GALK2: variants seen among roughly 807,000 people sequenced by gnomAD.
The protein encoded by GALK2 is N-acetylgalactosamine kinase.
GALK2 carries 36 observed loss-of-function variants against 52.4 expected under a neutral mutation model. The ratio of observed to expected loss-of-function variants is 0.69; its 90% CI spans 0.53 to 0.91. The LOEUF is 0.91. GALK2 is among the 40% of genes least tolerant of loss of function. GALK2 has a pLI of 0.00. For synonymous variants in GALK2, 176 were observed against 199.1 expected (o/e 0.88, Z 0.98); for missense variants, 579 against 559.1 (o/e 1.04, Z -0.36).
At chr15:49,228,819 G>A (rs111588430) in intron 3 of GALK2, among the ~76,000 whole-genome samples, 9,926 of 145,236 alleles carry the variant, frequency 0.068, 455 homozygotes, top group East Asian at 0.19. Context: ...TCAGCCTCCC[G>A]AGTAGCTGAG....
exon 4 of GALK2, chr15:49,367,736 A>C (rs2045434656): frequency 3.4e-6 from 3 of 883,662 alleles, no homozygotes; most frequent in Non-Finnish European, 4.9e-6. Context: ...AAATTCTACA[A>C]AGCATCTTCT....
chr15:49,220,263 G>A (rs981242550), intron 3 of GALK2, among the ~76,000 whole-genome samples: 1 of 151,444 alleles, frequency 6.6e-6, no homozygotes, highest in African/African-American at 2.4e-5. Flanking sequence ...TTTATCCCCC[G>A]TTCACTGACC....
chr15:49,250,689 TCGGAAAACCCTGGAGATG>T (rs1260358261), intron 5 of GALK2, among the ~76,000 whole-genome samples: 1 of 152,162 alleles, frequency 6.6e-6, no homozygotes, highest in Non-Finnish European at 1.5e-5. Context: ...ATCATAGACA[TCGGAAAACCCTGGAGATG>T]AGGTCCAGCC....
intron 5 of GALK2, among the ~76,000 whole-genome samples, chr15:49,240,669 G>A (rs1459634738): frequency 6.6e-6 from 1 of 152,108 alleles, no homozygotes; most frequent in African/African-American, 2.4e-5. Flanking sequence ...AACATCATGT[G>A]GAAATGTCCA....
intron 3 of GALK2, among the ~76,000 whole-genome samples, chr15:49,218,272 AT>A (rs1004403845): frequency 9.3e-4 from 142 of 152,312 alleles, no homozygotes; most frequent in African/African-American, 3.3e-3. Context: ...TTGATAATAT[AT>A]CTTGTGTGCA....
intron 4 of GALK2, among the ~76,000 whole-genome samples, chr15:49,238,075 A>C (rs79407921): frequency 0.06 from 9,183 of 152,086 alleles, 558 homozygotes; most frequent in African/African-American, 0.15. Context: ...TTATTTGCAG[A>C]ATTTTGTTGT....
chr15:49,227,589 C>G (rs1358306654), intron 3 of GALK2, among the ~76,000 whole-genome samples: 2 of 151,278 alleles, frequency 1.3e-5, no homozygotes, highest in Non-Finnish European at 2.9e-5. Flanking sequence ...AATCAGTTAT[C>G]CTAGTTTGTA....
chr15:49,325,090 AT>A (rs2037240945), intron 9 of GALK2, among the ~76,000 whole-genome samples: 2 of 152,108 alleles, frequency 1.3e-5, no homozygotes, highest in South Asian at 4.1e-4. Flanking sequence ...TAAGTGCTTT[AT>A]GGTCGAATTA....
intron 8 of GALK2, among the ~76,000 whole-genome samples, chr15:49,308,238 T>G (rs1596053365): frequency 6.6e-6 from 1 of 152,310 alleles, no homozygotes; most frequent in East Asian, 1.9e-4. Flanking sequence ...CATCCATCTC[T>G]GGATTGCTCT....
At chr15:49,157,125 A>G (rs2084484826) in intron 1 of GALK2, among the ~76,000 whole-genome samples, 1 of 152,180 alleles carries the variant, frequency 6.6e-6, no homozygotes, top group South Asian at 2.1e-4. Flanking sequence ...TTAATTTGTT[A>G]TTTTAGACAC....
chr15:49,246,785 A>G (rs1218902990), intron 5 of GALK2, among the ~76,000 whole-genome samples: 1 of 152,146 alleles, frequency 6.6e-6, no homozygotes, highest in Admixed American at 6.5e-5. Flanking sequence ...ATTTGTGAGG[A>G]GTGCTTTCAA....
chr15:49,327,860 G>A, intron 9 of GALK2, 92 bp from the exon 10 acceptor site: 1 of 1,233,378 alleles, frequency 8.1e-7, no homozygotes, highest in Non-Finnish European at 1.1e-6. Flanking sequence ...TTTCTTCTTA[G>A]AACTTAGATA....
chr15:49,362,570 GCTGT>G (rs1171277968), intron 3 of GALK2, among the ~76,000 whole-genome samples: 1 of 152,138 alleles, frequency 6.6e-6, no homozygotes, highest in Non-Finnish European at 1.5e-5. Context: ...CATTCTGTAG[GCTGT>G]CTGTTTACTC....
At chr15:49,353,397 A>G (rs2042537962) in intron 3 of GALK2, 1 of 152,112 alleles carries the variant, frequency 6.6e-6, no homozygotes, top group African/African-American at 2.4e-5. Context: ...AGACAATTAG[A>G]GGAAATATCA....
intron 3 of GALK2, chr15:49,225,374 A>G (rs2090072062): frequency 2.6e-6 from 1 of 383,910 alleles, no homozygotes. Flanking sequence ...AGTGAGCATT[A>G]TTACCACCTG....
intron 8 of GALK2, among the ~76,000 whole-genome samples, chr15:49,312,280 A>G (rs2036057124): frequency 6.6e-6 from 1 of 152,202 alleles, no homozygotes; most frequent in African/African-American, 2.4e-5. Context: ...GCACCATCCA[A>G]CTGGCTGCCA....
At chr15:49,354,962 AC>A (rs1472796284) in intron 3 of GALK2, among the ~76,000 whole-genome samples, 1 of 151,360 alleles carries the variant, frequency 6.6e-6, no homozygotes, top group Non-Finnish European at 1.5e-5. Context: ...ACTGGGAGGC[AC>A]CCCCCAGCAG....
intron 8 of GALK2, among the ~76,000 whole-genome samples, chr15:49,317,021 A>G (rs1481929511): frequency 1.3e-5 from 2 of 152,170 alleles, no homozygotes; most frequent in Non-Finnish European, 2.9e-5. Context: ...AACAAAAGCT[A>G]CCAGTAACAG....
chr15:49,219,798 G>A (rs564861864), intron 3 of GALK2, among the ~76,000 whole-genome samples: 41 of 152,096 alleles, frequency 2.7e-4, no homozygotes, highest in Non-Finnish European at 5.0e-4. Context: ...GTGACAGAGC[G>A]AGACTCTGTC....
Sources: gnomAD v4.1 joint callset for allele counts (sites outside exome capture counted in the v4.1 genomes callset) on GRCh38, gnomAD v4.1.1 for gene constraint, MANE v1.5 for transcripts, NCBI Gene and HGNC (gene_info 2026-07-23, HGNC 2026-07-21) for gene names.